TRPM8: variants seen among roughly 807,000 people sequenced by gnomAD.
The protein encoded by TRPM8 is transient receptor potential cation channel subfamily M member 8.
TRPM8 carries 110 observed loss-of-function variants against 133.7 expected under a neutral mutation model. The ratio of observed to expected loss-of-function variants is 0.82; its 90% CI spans 0.70 to 0.96. TRPM8 has a LOEUF of 0.96. TRPM8 is among the 40% of genes least tolerant of loss of function. TRPM8 has a pLI of 0.00. For synonymous variants in TRPM8, 535 were observed against 532.3 expected (o/e 1.01, Z -0.07); for missense variants, 1,291 against 1,379.5 (o/e 0.94, Z 1.02).
chr2:233,949,328 A>T (rs993222014), intron 8 of TRPM8, among the ~76,000 whole-genome samples: 3 of 152,230 alleles, frequency 2.0e-5, no homozygotes, highest in African/African-American at 7.2e-5. Context: ...CTGTCCAGTG[A>T]TTAAAATCCT....
rs200195523 is a variant in TRPM8 at position 233,985,815 on chromosome 2, C to T, written c.2889C>T (p.Tyr963=). 2.5e-6 allele frequency: 4 copies of T among 1,614,104 alleles called. No homozygotes were observed. The highest frequency in any genetic ancestry group is 1.3e-5 in the African/African-American group (1 of 74,928). The change falls in exon 21 of 26, where the codon TAC becomes TAT. Residue 963 remains tyrosine, a synonymous_variant. Coordinates refer to ENST00000324695, the MANE Select transcript of TRPM8 (RefSeq NM_024080.5). ...EWITIPLVCI[Y]MLSTNILLVN... ...TCACCATCCCCCTGGTGTGCATCTA[C>T]ATGTTATCCACCAACATCCTGCTGG...
Position 233,926,596 on chromosome 2 carries a change from G to A in TRPM8, c.59G>A (p.Ser20Asn). The change falls in exon 2 of 26, where the codon AGC (serine) becomes AAC (asparagine). Residue 20 changes from serine (S) to asparagine (N), a missense_variant. Physicochemically the swap from Ser to Asn is conservative, Grantham distance 46. Coordinates refer to ENST00000324695, the MANE Select transcript of TRPM8 (RefSeq NM_024080.5). ...AACAGAAGGAATGACACTCTGGACA[G>A]CACCCGGACCCTGTACTCCAGCGCG... ...MRNRRNDTLD[S>N]TRTLYSSASR... 1.2e-6 allele frequency: 2 copies of A among 1,614,164 alleles called. No individual in the cohort carries two copies. Among genetic ancestry groups the A allele is most frequent in the South Asian group, 1.1e-5 (1 of 91,080 alleles).
At chr2:233,918,718 T>C (rs1445187540) in intron 1 of TRPM8, among the ~76,000 whole-genome samples, 3 of 152,146 alleles carry the variant, frequency 2.0e-5, no homozygotes, top group African/African-American at 4.8e-5. Flanking sequence ...TACAACAAAA[T>C]AAATCTCAGC....
At chr2:233,991,189 A>G (rs1373819357) in intron 21 of TRPM8, among the ~76,000 whole-genome samples, 1 of 152,150 alleles carries the variant, frequency 6.6e-6, no homozygotes, top group Non-Finnish European at 1.5e-5. Context: ...CTTTTATAGT[A>G]TATTAAAGAA....
chr2:233,954,984 G>T, intron 10 of TRPM8, 148 bp from the exon 11 acceptor site: 1 of 609,720 alleles, frequency 1.6e-6, no homozygotes. Flanking sequence ...AGTGAAGATA[G>T]AGTGAATGAC....
chr2:234,011,491 T>TA (rs907415372), intron 24 of TRPM8, among the ~76,000 whole-genome samples: 19 of 151,550 alleles, frequency 1.3e-4, no homozygotes, highest in African/African-American at 3.1e-4. Flanking sequence ...TCTATTTCTT[T>TA]AAAAAAAAAG....
At chr2:233,984,744 C>T (rs978072441) in intron 20 of TRPM8, among the ~76,000 whole-genome samples, 3 of 152,118 alleles carry the variant, frequency 2.0e-5, no homozygotes, top group Non-Finnish European at 4.4e-5. Flanking sequence ...TGTGTCATTC[C>T]TCTGCTTAAA....
At chr2:234,004,043 C>T (rs1220631767) in intron 22 of TRPM8, among the ~76,000 whole-genome samples, 1 of 152,118 alleles carries the variant, frequency 6.6e-6, no homozygotes, top group Non-Finnish European at 1.5e-5. Flanking sequence ...ACAAATCCCC[C>T]AATTTGGCCA....
intron 25 of TRPM8, 169 bp downstream of exon 25, chr2:234,014,823 A>T: frequency 2.4e-6 from 1 of 413,084 alleles, no homozygotes; most frequent in Non-Finnish European, 4.3e-6. Context: ...GAACAAGTTG[A>T]AGTTCCTCCT....
chr2:233,982,050 T>A, intron 19 of TRPM8, 135 bp downstream of exon 19: 1 of 997,202 alleles, frequency 1.0e-6, no homozygotes, highest in Non-Finnish European at 1.4e-6. Flanking sequence ...CTTTGATGTA[T>A]TTCATCAGGG....
At position 233,985,882 on chromosome 2, in the gene TRPM8, A is replaced by T; in HGVS notation, c.2939+17A>T. On this transcript the variant is annotated intron_variant, in intron 21 of 25. Transcript: ENST00000324695. The stretch of plus-strand genomic sequence containing the variant: ...CATGTTTGGGTATGTGTTCAGTCAC[A>T]TGTTCACTGATGTCCACCCTGGGCC... 3 of 1,596,158 alleles carry T rather than the reference A, an allele frequency of 1.9e-6. No individual in the cohort carries two copies. The highest frequency in any genetic ancestry group is 2.6e-6 in the Non-Finnish European group (3 of 1,169,968).
At chr2:233,940,688 T>G (rs1690884272) in intron 5 of TRPM8, among the ~76,000 whole-genome samples, 1 of 151,626 alleles carries the variant, frequency 6.6e-6, no homozygotes, top group Non-Finnish European at 1.5e-5. Context: ...ATGGCTGAAG[T>G]AGATATGAAG....
Position 233,989,304 on chromosome 2 carries a change from G to A in TRPM8, c.2939+3439G>A, listed in dbSNP as rs1692219041. On this transcript the variant is annotated intron_variant, in intron 21 of 25. Transcript: ENST00000324695. The surrounding 1 kb of genome is among the most constrained non-coding windows in gnomAD (Gnocchi z 4.2). ...CCAGCAGCTCAGCGTCTGTGGTCCT[G>A]GCCGCGCGTTATCTGGCTTAACTCA... Among the ~76,000 whole-genome samples, 1 of 152,200 alleles carries A rather than the reference G, an allele frequency of 6.6e-6. No homozygotes were observed. Among genetic ancestry groups the A allele is most frequent in the Non-Finnish European group, 1.5e-5 (1 of 68,032 alleles).
intron 19 of TRPM8, among the ~76,000 whole-genome samples, chr2:233,982,799 T>C (rs1343639111): frequency 2.0e-5 from 3 of 152,178 alleles, no homozygotes; most frequent in Non-Finnish European, 4.4e-5. Flanking sequence ...AGAAAGCTGC[T>C]GTTGCTGGGC....
intron 15 of TRPM8, among the ~76,000 whole-genome samples, chr2:233,968,948 C>T (rs1691641025): frequency 6.6e-6 from 1 of 152,042 alleles, no homozygotes; most frequent in South Asian, 2.1e-4. Context: ...CTTTTAGTTT[C>T]CTGACAAAAG....
chr2:233,927,769 T>C (rs868325030), intron 2 of TRPM8, among the ~76,000 whole-genome samples: 799 of 68,374 alleles, frequency 0.012, 21 homozygotes, highest in African/African-American at 0.042. Flanking sequence ...TTTCTTTCTT[T>C]CTTTCTTTCT....
At chr2:233,962,554 T>C (rs746763367) in intron 12 of TRPM8, among the ~76,000 whole-genome samples, 15 of 152,240 alleles carry the variant, frequency 9.9e-5, no homozygotes, top group Non-Finnish European at 2.1e-4. Flanking sequence ...CATTATCCTT[T>C]GTAATTATGG....
intron 3 of TRPM8, among the ~76,000 whole-genome samples, chr2:233,936,707 T>C (rs1453775633): frequency 6.6e-6 from 1 of 152,222 alleles, no homozygotes; most frequent in Non-Finnish European, 1.5e-5. Flanking sequence ...TGTTATGAAC[T>C]GTTTGAGAAG....
intron 5 of TRPM8, among the ~76,000 whole-genome samples, chr2:233,941,870 C>T (rs984806234): frequency 5.3e-5 from 8 of 152,164 alleles, no homozygotes; most frequent in African/African-American, 1.9e-4. Flanking sequence ...AAGGAAGATT[C>T]ACTTGAATCC....
Sources: allele counts gnomAD v4.1 joint callset (sites outside exome capture counted in the v4.1 genomes callset), GRCh38; gene constraint gnomAD v4.1.1; non-coding constraint Gnocchi (gnomAD v3.1); transcripts MANE v1.5; gene names NCBI Gene and HGNC (gene_info 2026-07-23, HGNC 2026-07-21).